The following DOCK1 variants were observed in gnomAD, a reference collection of about 807,000 sequenced individuals.
DOCK1 encodes the protein dedicator of cytokinesis protein 1.
A neutral mutation model predicts 262.7 loss-of-function variants in DOCK1; 138 were observed. The observed-to-expected ratio is 0.53, with a 90% confidence interval of 0.46 to 0.61. The LOEUF (loss-of-function observed/expected upper bound fraction) is 0.61. Among genes scored for constraint, DOCK1 ranks in the 20% least tolerant of loss-of-function variants. The pLI is 0.00. For synonymous variants in DOCK1, 866 were observed against 867.4 expected (o/e 1.00, Z 0.03); for missense variants, 1,908 against 2,370.7 (o/e 0.80, Z 4.05).
Position 127,404,417 on chromosome 10 carries a change from C to G in DOCK1, c.4110C>G (p.Pro1370=). The G allele has an allele frequency of 6.2e-7, 1 of 1,613,402 alleles. No homozygotes were observed. Among genetic ancestry groups the G allele is most frequent in the Non-Finnish European group, 8.5e-7 (1 of 1,179,710 alleles). ...TTGGCTACTACGGACAAGGGTTCCC[C>G]ACATTCCTGCGGGTAAAGTTTGGTT... ...FAVGYYGQGF[P]TFLRGKVFIY... is the part of the protein sequence containing the mutation. The change falls in exon 40 of 52, where the codon CCC becomes CCG. Residue 1370 remains proline (P), a synonymous_variant. Coordinates refer to ENST00000623213, the MANE Select transcript of DOCK1 (RefSeq NM_001290223.2).
At chr10:127,368,276 T>G (rs1202010171) in intron 33 of DOCK1, among the ~76,000 whole-genome samples, 2 of 152,200 alleles carry the variant, frequency 1.3e-5, no homozygotes, top group Admixed American at 6.5e-5. Flanking sequence ...CTCTTTTGTC[T>G]CTGGGTGCTC....
At chr10:126,979,256 T>C (rs944614467) in intron 3 of DOCK1, among the ~76,000 whole-genome samples, 1 of 152,190 alleles carries the variant, frequency 6.6e-6, no homozygotes, top group Admixed American at 6.5e-5. Flanking sequence ...CCCAAAGATA[T>C]GCACCTGTAG....
At chr10:127,347,845 TTCC>T (rs1565012239) in intron 31 of DOCK1, among the ~76,000 whole-genome samples, 2 of 41,528 alleles carry the variant, frequency 4.8e-5, no homozygotes, top group Non-Finnish European at 1.0e-4. Context: ...TTCCCTTCCC[TTCC>T]CTTCCCTTCC....
chr10:127,419,998 C>A (rs1181880662), intron 46 of DOCK1, among the ~76,000 whole-genome samples: 1 of 152,210 alleles, frequency 6.6e-6, no homozygotes, highest in Non-Finnish European at 1.5e-5. Context: ...TCCCCTTGGT[C>A]AATTCTGCCG....
intron 37 of DOCK1, among the ~76,000 whole-genome samples, chr10:127,383,856 C>T (rs940368958): frequency 4.6e-5 from 7 of 152,344 alleles, no homozygotes; most frequent in Admixed American, 2.6e-4. Flanking sequence ...GGAGCACATG[C>T]CTCCTGCCCG....
At chr10:127,034,590 T>G (rs895487285) in intron 18 of DOCK1, among the ~76,000 whole-genome samples, 16 of 152,064 alleles carry the variant, frequency 1.1e-4, no homozygotes, top group African/African-American at 3.9e-4. Context: ...CCTTGATAGC[T>G]CCACTCGCCT....
intron 21 of DOCK1, among the ~76,000 whole-genome samples, chr10:127,052,390 G>A (rs775675464): frequency 5.9e-5 from 9 of 152,144 alleles, no homozygotes; most frequent in Admixed American, 1.3e-4. Context: ...TGGGCGAGGC[G>A]GCGTGTGCCT....
chr10:127,230,750 G>GT (rs1441469785), intron 27 of DOCK1, among the ~76,000 whole-genome samples: 2 of 151,426 alleles, frequency 1.3e-5, no homozygotes, highest in East Asian at 1.9e-4. Flanking sequence ...GCTATTCTGG[G>GT]TTTTTTGTTT....
chr10:127,444,093 C>T (rs780859336), intron 49 of DOCK1, 33 bp from the exon 50 acceptor site: 59 of 1,550,706 alleles, frequency 3.8e-5, no homozygotes, highest in Non-Finnish European at 4.7e-5. Flanking sequence ...CATAACAGAC[C>T]GTAACTGTGC....
chr10:127,411,037 G>A, intron 43 of DOCK1, 113 bp downstream of exon 43: 1 of 1,039,176 alleles, frequency 9.6e-7, no homozygotes, highest in South Asian at 1.6e-5. Flanking sequence ...CATATTAAAT[G>A]TCTTTGTGTA....
chr10:127,255,603 A>G (rs991768167), intron 28 of DOCK1, among the ~76,000 whole-genome samples: 2 of 152,190 alleles, frequency 1.3e-5, no homozygotes, highest in Non-Finnish European at 2.9e-5. Flanking sequence ...GCCTTGCAGA[A>G]CCTCATCTCC....
chr10:127,141,767 CCT>C (rs2051282405), intron 27 of DOCK1, among the ~76,000 whole-genome samples: 1 of 152,174 alleles, frequency 6.6e-6, no homozygotes, highest in Admixed American at 6.5e-5. Flanking sequence ...TGTGTCCTCC[CCT>C]GTGTCCTCCC....
At chr10:127,038,358 G>A (rs901307506) in intron 19 of DOCK1, among the ~76,000 whole-genome samples, 2 of 152,154 alleles carry the variant, frequency 1.3e-5, no homozygotes, top group Non-Finnish European at 2.9e-5. Context: ...CAACCTCATC[G>A]TGGGTTCTGC....
At chr10:126,908,835 A>G (rs1396954020) in intron 1 of DOCK1, among the ~76,000 whole-genome samples, 2 of 152,142 alleles carry the variant, frequency 1.3e-5, no homozygotes, top group Admixed American at 6.5e-5. Context: ...TTATGTCCCG[A>G]CGTCAATAAA....
chr10:126,983,720 G>C (rs180773946), intron 4 of DOCK1, among the ~76,000 whole-genome samples: 1 of 152,028 alleles, frequency 6.6e-6, no homozygotes, highest in Admixed American at 6.6e-5. Context: ...ATTGACTCTC[G>C]TGAAGGATCT....
At chr10:127,265,575 C>G (rs2060324907) in intron 29 of DOCK1, among the ~76,000 whole-genome samples, 1 of 152,194 alleles carries the variant, frequency 6.6e-6, no homozygotes, top group Non-Finnish European at 1.5e-5. Context: ...TTCCTCAATC[C>G]ATTGACGTAG....
At chr10:127,241,760 C>G (rs2059272533) in intron 27 of DOCK1, among the ~76,000 whole-genome samples, 1 of 152,100 alleles carries the variant, frequency 6.6e-6, no homozygotes, top group Admixed American at 6.6e-5. Context: ...GGTTTGACAT[C>G]AAACTAAACA....
At chr10:127,327,320 T>C (rs1590469427) in intron 29 of DOCK1, among the ~76,000 whole-genome samples, 1 of 152,204 alleles carries the variant, frequency 6.6e-6, no homozygotes, top group East Asian at 1.9e-4. Context: ...TCATCAATGG[T>C]CTATCCTAGG....
At chr10:127,158,546 C>A (rs2053298263) in intron 27 of DOCK1, among the ~76,000 whole-genome samples, 1 of 152,168 alleles carries the variant, frequency 6.6e-6, no homozygotes, top group African/African-American at 2.4e-5. Context: ...ATACCTGGTA[C>A]CTTCTGGGCG....
Sources: gnomAD v4.1 joint callset for allele counts (sites outside exome capture counted in the v4.1 genomes callset) on GRCh38, gnomAD v4.1.1 for gene constraint, MANE v1.5 for transcripts, NCBI Gene and HGNC (gene_info 2026-07-23, HGNC 2026-07-21) for gene names.